SPOCK1: variants seen among roughly 807,000 people sequenced by gnomAD.
SPOCK1 encodes SPARC (osteonectin), cwcv and kazal like domains proteoglycan 1.
Under a neutral mutation model 55.3 loss-of-function variants are expected in SPOCK1, and 23 were observed. The ratio of observed to expected loss-of-function variants is 0.42; its 90% CI spans 0.30 to 0.59. SPOCK1 has a LOEUF of 0.59. Among genes scored for constraint, SPOCK1 ranks in the 20% least tolerant of loss-of-function variants. The pLI, the probability that SPOCK1 is intolerant of heterozygous loss-of-function variation, is 0.22. For synonymous variants in SPOCK1, 226 were observed against 221.0 expected, an observed-to-expected ratio of 1.02 and a Z score of -0.20; for missense variants, 499 against 552.5, an observed-to-expected ratio of 0.90 and a Z score of 0.97.
intron 5 of SPOCK1, among the ~76,000 whole-genome samples, chr5:137,083,255 C>T (rs1752904494): frequency 1.3e-5 from 2 of 152,156 alleles, no homozygotes; most frequent in Admixed American, 1.3e-4. Flanking sequence ...ACTGTGAGCT[C>T]ACAGGGAAGC....
chr5:137,453,255 A>G (rs554483057), intron 2 of SPOCK1, among the ~76,000 whole-genome samples: 2 of 152,314 alleles, frequency 1.3e-5, no homozygotes, highest in Non-Finnish European at 2.9e-5. Flanking sequence ...GTACATCTCA[A>G]ACTCCCTGAT....
chr5:137,094,869 C>G (rs188367358), intron 5 of SPOCK1, among the ~76,000 whole-genome samples: 2 of 152,210 alleles, frequency 1.3e-5, no homozygotes. Context: ...TGGCTTTGGC[C>G]TATCTCATCT....
intron 2 of SPOCK1, among the ~76,000 whole-genome samples, chr5:137,297,412 A>C (rs1325610180): frequency 1.3e-5 from 2 of 152,230 alleles, no homozygotes; most frequent in African/African-American, 4.8e-5. Context: ...TTTGTTAAGC[A>C]TGCACAACAA....
intron 10 of SPOCK1, 104 bp downstream of exon 10, chr5:136,979,228 A>G: frequency 1.3e-6 from 2 of 1,499,798 alleles, no homozygotes; most frequent in South Asian, 1.3e-5. Context: ...AACTTAATGT[A>G]TACTGGAGTT....
In SPOCK1 at chr5:137,335,553, G is replaced by C. The variant is rs376635966; in HGVS notation, c.187-68498C>G. On this transcript the variant is annotated intron_variant, in intron 2 of 10. Transcript: ENST00000394945. ...TTGGCCAAGAGTACATAACTGAAGA[G>C]TTAATAGCCAAGTTTGAGACGACAC... is the stretch of plus-strand genomic sequence containing the variant. Among the ~76,000 whole-genome samples the C allele has an allele frequency of 1.1e-4, 17 of 152,330 alleles. No homozygotes were observed. The Middle Eastern group carries it at 0.017, about 152-fold the overall frequency.
rs539184499 is a variant in SPOCK1, at chr5:137,305,314, T to G, written c.187-38259A>C. Among the ~76,000 whole-genome samples, 218 of 152,330 alleles carry G rather than the reference T, an allele frequency of 1.4e-3. 1 individual carries two copies. Among genetic ancestry groups the G allele is most frequent in the African/African-American group, 5.1e-3 (213 of 41,584 alleles). Reference sequence around the variant, plus strand: ...CCTTGAACAGCACTCTCACCCCGTGTGTCTGTGCCCCGTGTCTCTTCTCCC... The same window carrying G: ...CCTTGAACAGCACTCTCACCCCGTGGGTCTGTGCCCCGTGTCTCTTCTCCC... On this transcript the variant is annotated intron_variant, in intron 2 of 10. Coordinates refer to ENST00000394945, the MANE Select transcript of SPOCK1 (RefSeq NM_004598.4).
At chr5:137,296,711 G>A (rs990389979) in intron 2 of SPOCK1, among the ~76,000 whole-genome samples, 2 of 152,136 alleles carry the variant, frequency 1.3e-5, no homozygotes, top group African/African-American at 4.8e-5. Context: ...GAGATGTCCG[G>A]ACTAGCATAA....
intron 6 of SPOCK1, among the ~76,000 whole-genome samples, chr5:137,009,480 T>C (rs2126973621): frequency 6.6e-6 from 1 of 152,314 alleles, no homozygotes; most frequent in East Asian, 1.9e-4. Flanking sequence ...AGAGATAATC[T>C]GTATTTGCAT....
At chr5:137,075,029 G>A (rs936597089) in intron 5 of SPOCK1, among the ~76,000 whole-genome samples, 3 of 151,916 alleles carry the variant, frequency 2.0e-5, no homozygotes, top group South Asian at 2.1e-4. Flanking sequence ...AGTACAGACC[G>A]GGTTTCACCA....
intron 2 of SPOCK1, among the ~76,000 whole-genome samples, chr5:137,487,745 T>G (rs1450250071): frequency 6.6e-6 from 1 of 152,180 alleles, no homozygotes; most frequent in Admixed American, 6.5e-5. Flanking sequence ...AATTCCACTG[T>G]GCTCATGTGT....
intron 6 of SPOCK1, among the ~76,000 whole-genome samples, chr5:137,024,483 C>T (rs1445693081): frequency 6.6e-6 from 1 of 151,956 alleles, no homozygotes; most frequent in African/African-American, 2.4e-5. Flanking sequence ...TAATGCAGAA[C>T]ATGGGAGAAA....
chr5:137,063,867 G>A (rs994001425), intron 6 of SPOCK1, among the ~76,000 whole-genome samples: 5 of 152,208 alleles, frequency 3.3e-5, no homozygotes, highest in African/African-American at 1.2e-4. Context: ...AGAACCTAAT[G>A]CATATCTTGG....
At chr5:137,104,058 T>A (rs755433596) in intron 5 of SPOCK1, among the ~76,000 whole-genome samples, 4 of 152,242 alleles carry the variant, frequency 2.6e-5, no homozygotes, top group African/African-American at 7.2e-5. Context: ...TGTTGGCTTT[T>A]TCTAAGCAGC....
chr5:137,307,536 G>A (rs1263350462), intron 2 of SPOCK1, among the ~76,000 whole-genome samples: 1 of 152,148 alleles, frequency 6.6e-6, no homozygotes, highest in Admixed American at 6.5e-5. Context: ...TTTACCCATT[G>A]TGGGTAACAC....
At chr5:137,202,399 T>A (rs528026279) in intron 3 of SPOCK1, among the ~76,000 whole-genome samples, 1 of 152,358 alleles carries the variant, frequency 6.6e-6, no homozygotes, top group South Asian at 2.1e-4. Flanking sequence ...GAAGGTTTCA[T>A]GCAACATGAC....
At chr5:137,234,079 A>G (rs937036532) in intron 3 of SPOCK1, among the ~76,000 whole-genome samples, 4 of 152,148 alleles carry the variant, frequency 2.6e-5, no homozygotes, top group Non-Finnish European at 5.9e-5. Flanking sequence ...GCCCTCTGCC[A>G]GTGTCCCCAG....
At chr5:137,347,287 A>G (rs1750579200) in intron 2 of SPOCK1, among the ~76,000 whole-genome samples, 3 of 152,144 alleles carry the variant, frequency 2.0e-5, no homozygotes. Flanking sequence ...TGTTGCCCCC[A>G]GTGCTCTGAG....
intron 3 of SPOCK1, among the ~76,000 whole-genome samples, chr5:137,143,181 C>T (rs527561259): frequency 6.6e-6 from 1 of 152,292 alleles, no homozygotes; most frequent in South Asian, 2.1e-4. Flanking sequence ...ATGCCAAGTG[C>T]TGCAGCAGAG....
chr5:136,997,551 C>G (rs1751068423), intron 6 of SPOCK1, among the ~76,000 whole-genome samples: 1 of 152,178 alleles, frequency 6.6e-6, no homozygotes, highest in African/African-American at 2.4e-5. Flanking sequence ...AGCTAAATGG[C>G]CTGCAGGACA....
Sources: gnomAD v4.1 joint callset for allele counts (sites outside exome capture counted in the v4.1 genomes callset) on GRCh38, gnomAD v4.1.1 for gene constraint, MANE v1.5 for transcripts, NCBI Gene and HGNC (gene_info 2026-07-23, HGNC 2026-07-21) for gene names.